MYRFL: variants seen among roughly 807,000 people sequenced by gnomAD.
The protein encoded by MYRFL is myelin regulatory factor-like protein.
In MYRFL, 88 loss-of-function variants were observed where a neutral mutation model predicts 109.4. The ratio of observed to expected loss-of-function variants is 0.80; its 90% confidence interval spans 0.68 to 0.96. The LOEUF is 0.96. Ranked by LOEUF, MYRFL falls within the 40% of genes least tolerant of loss-of-function variation. The pLI is 0.00. For missense variants in MYRFL, 957 were observed against 954.9 expected (o/e 1.00, Z -0.03); for synonymous variants, 324 against 320.9 (o/e 1.01, Z -0.10).
At chr12:69,864,816 C>T (rs1884919657) in intron 2 of MYRFL, among the ~76,000 whole-genome samples, 1 of 152,108 alleles carries the variant, frequency 6.6e-6, no homozygotes, top group Non-Finnish European at 1.5e-5. Flanking sequence ...TCACTACATC[C>T]CAGTAACTTG....
intron 13 of MYRFL, among the ~76,000 whole-genome samples, chr12:69,924,190 GAAAAAAAAA>G (rs543542332): frequency 1.3e-5 from 1 of 79,880 alleles, no homozygotes; most frequent in Admixed American, 1.5e-4. Flanking sequence ...CTCCGTCTCA[GAAAAAAAAA>G]AAAAAAAAAA....
At chr12:69,906,687 C>T (rs555921994) in intron 11 of MYRFL, among the ~76,000 whole-genome samples, 1 of 152,296 alleles carries the variant, frequency 6.6e-6, no homozygotes, top group Non-Finnish European at 1.5e-5. Context: ...GTCAAACATG[C>T]AAAGTCTCCC....
At chr12:69,880,673 A>G (rs1476634575) in intron 5 of MYRFL, among the ~76,000 whole-genome samples, 1 of 152,220 alleles carries the variant, frequency 6.6e-6, no homozygotes, top group Non-Finnish European at 1.5e-5. Context: ...AAGAAATAGC[A>G]TGAGGATCTT....
chr12:69,828,891 T>C (rs1882450559), intron 1 of MYRFL, among the ~76,000 whole-genome samples: 1 of 152,182 alleles, frequency 6.6e-6, no homozygotes, highest in Admixed American at 6.5e-5. Context: ...AACAGTATTG[T>C]TGATTATATT....
chr12:69,859,505 CAT>C (rs528839429), intron 2 of MYRFL, among the ~76,000 whole-genome samples: 23 of 152,312 alleles, frequency 1.5e-4, no homozygotes, highest in African/African-American at 5.3e-4. Flanking sequence ...TTTGTGAAAA[CAT>C]AATTGTATTG....
intron 13 of MYRFL, 120 bp from the exon 14 acceptor site, chr12:69,926,451 T>C: frequency 1.3e-6 from 1 of 741,460 alleles, no homozygotes; most frequent in East Asian, 3.3e-5. Flanking sequence ...AACTTGAAGA[T>C]GTGTGTGTCT....
intron 1 of MYRFL, among the ~76,000 whole-genome samples, chr12:69,832,972 G>A (rs1239357837): frequency 6.6e-6 from 1 of 151,330 alleles, no homozygotes; most frequent in Non-Finnish European, 1.5e-5. Context: ...GTGTGTGTGT[G>A]TGTGTGTGTG....
chr12:69,926,121 T>C (rs1161669444), intron 13 of MYRFL, among the ~76,000 whole-genome samples: 2,242 of 24,868 alleles, frequency 0.09, 14 homozygotes, highest in East Asian at 0.25. Flanking sequence ...CTTCTTCTTT[T>C]TTTTTTTTTT....
At chr12:69,886,783 C>G (rs1886480372) in intron 5 of MYRFL, 37 bp from the exon 6 acceptor site, 1 of 1,533,428 alleles carries the variant, frequency 6.5e-7, no homozygotes, top group Non-Finnish European at 8.7e-7. Context: ...GAAAAACAGC[C>G]TGGAAGGAAG....
At position 69,844,870 on chromosome 12, in the gene MYRFL, C is replaced by T. The variant is rs143719261; in HGVS notation, c.47-10410C>T. Among the ~76,000 whole-genome samples the T allele has an allele frequency of 1.4e-4, 22 of 152,202 alleles. No individual in the cohort carries two copies. The East Asian group carries it at 3.9e-3, about 27-fold the overall frequency. On this transcript the variant is annotated intron_variant, in intron 1 of 24. Coordinates refer to ENST00000552032, the MANE Select transcript of MYRFL (RefSeq NM_182530.3). Reference sequence around the variant, plus strand: ...ATTTAAATTGATCTCCTTCTCTTCTCGTCCCCTTATAATCTTCCCACAAGC... The same window carrying T: ...ATTTAAATTGATCTCCTTCTCTTCTTGTCCCCTTATAATCTTCCCACAAGC...
At chr12:69,899,310 T>C (rs1954109672) in intron 10 of MYRFL, among the ~76,000 whole-genome samples, 1 of 152,326 alleles carries the variant, frequency 6.6e-6, no homozygotes, top group South Asian at 2.1e-4. Flanking sequence ...TATTTAATTG[T>C]TTAAGAAATG....
intron 2 of MYRFL, among the ~76,000 whole-genome samples, chr12:69,873,553 T>A (rs1049975969): frequency 2.0e-5 from 3 of 152,194 alleles, no homozygotes; most frequent in African/African-American, 7.2e-5. Context: ...ACAAGCAATG[T>A]GATATCGTGG....
rs917723662 is a variant in MYRFL, at chr12:69,952,190, A to G, written c.2287+15A>G. 2.0e-6 allele frequency: 3 copies of G among 1,535,350 alleles called. No individual in the cohort carries two copies. The African/African-American group carries it at 4.1e-5, about 21-fold the overall frequency. ...GGAGAGTGACTGTAAGTTGACATTT[A>G]AGTGACACTATTCTTTGGCTTTGCG... On this transcript the variant is annotated intron_variant, in intron 20 of 24. Coordinates refer to ENST00000552032, the MANE Select transcript of MYRFL (RefSeq NM_182530.3).
chr12:69,887,324 A>G (rs1428925458), intron 6 of MYRFL, among the ~76,000 whole-genome samples: 1 of 152,188 alleles, frequency 6.6e-6, no homozygotes, highest in East Asian at 1.9e-4. Context: ...TAATGCCATA[A>G]AATACTTTTC....
chr12:69,911,864 G>C (rs549669337), intron 13 of MYRFL, among the ~76,000 whole-genome samples: 1 of 152,304 alleles, frequency 6.6e-6, no homozygotes, highest in South Asian at 2.1e-4. Flanking sequence ...AATGCTCCCT[G>C]AACTTCAAAG....
chr12:69,892,781 A>T (rs576805545), intron 7 of MYRFL, among the ~76,000 whole-genome samples: 2 of 152,346 alleles, frequency 1.3e-5, no homozygotes, highest in African/African-American at 4.8e-5. Flanking sequence ...AAATTTTGGA[A>T]CATAATAGAA....
chr12:69,891,678 TTTCTTTCGTTCG>T (rs1477170645), intron 7 of MYRFL, among the ~76,000 whole-genome samples: 13 of 112,540 alleles, frequency 1.2e-4, no homozygotes, highest in African/African-American at 4.1e-4. Flanking sequence ...TCTTTCTTTC[TTTCTTTCGTTCG>T]TTCGTTCTTT....
At chr12:69,826,075 A>G (rs1352206049) in intron 1 of MYRFL, among the ~76,000 whole-genome samples, 2 of 152,108 alleles carry the variant, frequency 1.3e-5, no homozygotes, top group African/African-American at 4.8e-5. Context: ...AGTGCCTGAC[A>G]AATAATATAT....
chr12:69,934,208 T>A (rs1955373728), intron 16 of MYRFL, among the ~76,000 whole-genome samples: 1 of 152,224 alleles, frequency 6.6e-6, no homozygotes, highest in Admixed American at 6.5e-5. Context: ...GTGCCCCATC[T>A]ACTTGGCCCG....
Sources: allele counts gnomAD v4.1 joint callset (sites outside exome capture counted in the v4.1 genomes callset), GRCh38; gene constraint gnomAD v4.1.1; transcripts MANE v1.5; gene names NCBI Gene and HGNC (gene_info 2026-07-23, HGNC 2026-07-21).